Variants in KCNJ3 observed in about 807,000 individuals in gnomAD.
KCNJ3 encodes potassium inwardly rectifying channel subfamily J member 3, also known as G protein-activated inward rectifier potassium channel 1.
A neutral mutation model predicts 39.2 loss-of-function variants in KCNJ3; 4 were observed. The observed-to-expected ratio is 0.10, with a 90% CI of 0.05 to 0.23. The LOEUF is 0.23. KCNJ3 is among the 10% of genes least tolerant of loss of function. KCNJ3 has a pLI of 1.00. For synonymous variants in KCNJ3, 230 were observed against 237.4 expected (o/e 0.97, Z 0.29); for missense variants, 276 against 634.9 (o/e 0.43, Z 6.08).
intron 2 of KCNJ3, among the ~76,000 whole-genome samples, chr2:154,817,013 G>A (rs1040492998): frequency 6.6e-6 from 1 of 151,960 alleles, no homozygotes; most frequent in African/African-American, 2.4e-5. Flanking sequence ...TTGGCCCTGA[G>A]GCATTATATC....
chr2:154,856,814 A>ACTT lies in KCNJ3; in HGVS notation c.*1502_*1504dup, dbSNP rs1687847449. 6.6e-6 allele frequency: 1 copy of ACTT among 152,156 alleles called. No homozygotes were observed. Among genetic ancestry groups the ACTT allele is most frequent in the Non-Finnish European group, 1.5e-5 (1 of 68,024 alleles). 9.4% of individuals were successfully genotyped at this position (152,156 alleles called of 1,614,324 possible). ...TTCAAAATAAAAATTTGGAATGCAG[A>ACTT]CTTTTATGAAAATTTAAAAGTGCTC... On this transcript the variant is annotated 3_prime_UTR_variant, in exon 3 of 3. Coordinates refer to ENST00000295101, the MANE Select transcript of KCNJ3 (RefSeq NM_002239.4).
At chr2:154,760,234 A>T (rs191665366) in intron 2 of KCNJ3, among the ~76,000 whole-genome samples, 76 of 152,318 alleles carry the variant, frequency 5.0e-4, no homozygotes, top group African/African-American at 1.8e-3. Flanking sequence ...TTCTGATCCT[A>T]GTAAAGTTTA....
At chr2:154,751,791 C>T in intron 2 of KCNJ3, among the ~76,000 whole-genome samples, 1 of 151,966 alleles carries the variant, frequency 6.6e-6, no homozygotes, top group East Asian at 1.9e-4. Context: ...CTTCTGAGGC[C>T]TCTGCTTGGC....
At chr2:154,762,477 A>T (rs968015128) in intron 2 of KCNJ3, among the ~76,000 whole-genome samples, 22 of 152,196 alleles carry the variant, frequency 1.4e-4, no homozygotes, top group African/African-American at 4.8e-4. Flanking sequence ...GCTGAATATA[A>T]GGGAGGTAGC....
intron 2 of KCNJ3, among the ~76,000 whole-genome samples, chr2:154,750,106 G>A (rs545855402): frequency 6.6e-6 from 1 of 152,070 alleles, no homozygotes; most frequent in East Asian, 1.9e-4. Context: ...TGCATTTCCA[G>A]AAGTTATATT....
At chr2:154,706,339 A>G (rs1574428259) in intron 1 of KCNJ3, among the ~76,000 whole-genome samples, 1 of 152,136 alleles carries the variant, frequency 6.6e-6, no homozygotes, top group Non-Finnish European at 1.5e-5. Flanking sequence ...AATGCTTAAC[A>G]TGACACAATG....
chr2:154,790,534 G>T (rs768161673), intron 2 of KCNJ3, among the ~76,000 whole-genome samples: 10 of 152,102 alleles, frequency 6.6e-5, no homozygotes, highest in Non-Finnish European at 1.0e-4. Flanking sequence ...ATACACTAAT[G>T]CTTAGCTACG....
chr2:154,714,941 CA>C (rs1685158094), intron 2 of KCNJ3, among the ~76,000 whole-genome samples: 1 of 152,036 alleles, frequency 6.6e-6, no homozygotes, highest in Non-Finnish European at 1.5e-5. Flanking sequence ...TGCAGCCAGG[CA>C]AGAGGGATTG....
chr2:154,852,879 C>T (rs1018011841), intron 2 of KCNJ3, among the ~76,000 whole-genome samples: 1 of 151,928 alleles, frequency 6.6e-6, no homozygotes, highest in African/African-American at 2.4e-5. Context: ...GATATCTGAT[C>T]ATAGTCAGAT....
intron 2 of KCNJ3, among the ~76,000 whole-genome samples, chr2:154,825,819 T>G (rs1168585156): frequency 7.1e-6 from 1 of 141,802 alleles, no homozygotes; most frequent in Admixed American, 7.4e-5. Context: ...GCTTCGGTGA[T>G]CCTCCCACCT....
At chr2:154,745,123 G>T in intron 2 of KCNJ3, among the ~76,000 whole-genome samples, 1 of 151,828 alleles carries the variant, frequency 6.6e-6, no homozygotes, top group East Asian at 1.9e-4. Flanking sequence ...CATTTGCTGA[G>T]GCTTGTTCTA....
chr2:154,803,939 A>T (rs1558878409), intron 2 of KCNJ3, among the ~76,000 whole-genome samples: 1 of 152,212 alleles, frequency 6.6e-6, no homozygotes, highest in East Asian at 1.9e-4. Flanking sequence ...AGAGCAAAGG[A>T]AAGTTACAAA....
chr2:154,700,939 G>A (rs988492588), intron 1 of KCNJ3, among the ~76,000 whole-genome samples: 2 of 152,158 alleles, frequency 1.3e-5, no homozygotes, highest in African/African-American at 2.4e-5. Flanking sequence ...TGATGTAAAC[G>A]TTCATTAACT....
chr2:154,773,812 C>T (rs1373063371), intron 2 of KCNJ3, among the ~76,000 whole-genome samples: 1 of 152,112 alleles, frequency 6.6e-6, no homozygotes, highest in African/African-American at 2.4e-5. Flanking sequence ...CTACTAAAAA[C>T]ATTGTGTAGT....
At chr2:154,795,472 T>C (rs985662663) in intron 2 of KCNJ3, among the ~76,000 whole-genome samples, 1 of 152,054 alleles carries the variant, frequency 6.6e-6, no homozygotes, top group African/African-American at 2.4e-5. Flanking sequence ...GGTTCATAAT[T>C]ATGATGTATT....
intron 2 of KCNJ3, among the ~76,000 whole-genome samples, chr2:154,839,811 G>GTTCT (rs1687543277): frequency 6.6e-6 from 1 of 152,058 alleles, no homozygotes; most frequent in Non-Finnish European, 1.5e-5. Context: ...ATTTGTTTGA[G>GTTCT]TTCTTTGTAG....
chr2:154,851,887 A>G (rs1046485388), intron 2 of KCNJ3, among the ~76,000 whole-genome samples: 3 of 152,174 alleles, frequency 2.0e-5, no homozygotes, highest in Non-Finnish European at 4.4e-5. Context: ...TTGTAATGGT[A>G]AAAGCAGGGG....
chr2:154,782,406 G>A (rs1686453820), intron 2 of KCNJ3, among the ~76,000 whole-genome samples: 1 of 152,104 alleles, frequency 6.6e-6, no homozygotes, highest in South Asian at 2.1e-4. Context: ...CTAAATGTTA[G>A]CTTTAATTAT....
At chr2:154,831,961 G>A (rs1687370985) in intron 2 of KCNJ3, among the ~76,000 whole-genome samples, 1 of 152,164 alleles carries the variant, frequency 6.6e-6, no homozygotes, top group Admixed American at 6.5e-5. Context: ...GGCGGAAGGT[G>A]AAGGGGAACC....
Sources: gnomAD v4.1 joint callset for allele counts (sites outside exome capture counted in the v4.1 genomes callset) on GRCh38, gnomAD v4.1.1 for gene constraint, MANE v1.5 for transcripts, NCBI Gene and HGNC (gene_info 2026-07-23, HGNC 2026-07-21) for gene names.